The following DGLUCY variants were observed in gnomAD, a reference collection of about 807,000 sequenced individuals.
The protein encoded by DGLUCY is D-glutamate cyclase, mitochondrial.
Under a neutral mutation model 58.5 loss-of-function variants are expected in DGLUCY, and 58 were observed. The observed-to-expected ratio is 0.99, with a 90% CI of 0.80 to 1.23. The LOEUF (loss-of-function observed/expected upper bound fraction) is 1.23. DGLUCY is among the 50% of genes most tolerant of loss of function. The pLI is 0.00. For missense variants in DGLUCY, 779 were observed against 784.7 expected (o/e 0.99, Z 0.09); for synonymous variants, 325 against 314.1 (o/e 1.03, Z -0.37).
intron 1 of DGLUCY, among the ~76,000 whole-genome samples, chr14:91,146,729 T>A (rs1360464869): frequency 2.0e-5 from 3 of 152,142 alleles, no homozygotes; most frequent in Non-Finnish European, 2.9e-5. Context: ...AGGGGGCCCA[T>A]GAGAGCAATC....
At chr14:91,060,640 G>A (rs2043637553) in exon 1 of DGLUCY, 1 of 619,934 alleles carries the variant, frequency 1.6e-6, no homozygotes, top group Non-Finnish European at 2.3e-6. Flanking sequence ...CGCTAGTACC[G>A]CGCAACCAAA....
chr14:91,066,388 G>GAAAAAAAA (rs58589619), intron 1 of DGLUCY, among the ~76,000 whole-genome samples: 1 of 113,856 alleles, frequency 8.8e-6, no homozygotes, highest in Non-Finnish European at 1.9e-5. Context: ...AAAAAAAAAA[G>GAAAAAAAA]AAAAAAAAAA....
At chr14:91,073,671 G>C (rs1430225972) in intron 1 of DGLUCY, among the ~76,000 whole-genome samples, 1 of 152,062 alleles carries the variant, frequency 6.6e-6, no homozygotes, top group African/African-American at 2.4e-5. Context: ...CTTTGAAAAT[G>C]GAGGGGACCA....
chr14:91,206,456 C>T (rs904964994), intron 12 of DGLUCY, among the ~76,000 whole-genome samples: 2 of 152,270 alleles, frequency 1.3e-5, no homozygotes, highest in African/African-American at 4.8e-5. Context: ...GATCTCAGCT[C>T]ACTGCAACTT....
intron 9 of DGLUCY, among the ~76,000 whole-genome samples, chr14:91,191,136 C>T (rs1429495916): frequency 6.6e-6 from 1 of 152,168 alleles, no homozygotes; most frequent in Admixed American, 6.5e-5. Flanking sequence ...GGGACAGGAC[C>T]TGAGGTGTAA....
chr14:91,062,247 C>G (rs1289217232), intron 1 of DGLUCY, among the ~76,000 whole-genome samples: 1 of 151,930 alleles, frequency 6.6e-6, no homozygotes, highest in Non-Finnish European at 1.5e-5. Flanking sequence ...TTTTGAATCA[C>G]TTAAAAATAT....
At chr14:91,084,759 T>A (rs2044183951) in intron 1 of DGLUCY, among the ~76,000 whole-genome samples, 1 of 152,266 alleles carries the variant, frequency 6.6e-6, no homozygotes, top group Non-Finnish European at 1.5e-5. Context: ...GGGAGATACA[T>A]TGGACTTGAA....
chr14:91,199,650 CAA>C (rs1393609793), intron 10 of DGLUCY, 105 bp from the exon 11 acceptor site: 2 of 1,316,154 alleles, frequency 1.5e-6, no homozygotes, highest in Non-Finnish European at 2.1e-6. Context: ...ATGAAGGAAT[CAA>C]AGAAAAAAAG....
chr14:91,223,966 G>A (rs987139620), intron 13 of DGLUCY, among the ~76,000 whole-genome samples: 1 of 152,130 alleles, frequency 6.6e-6, no homozygotes, highest in Non-Finnish European at 1.5e-5. Flanking sequence ...GCTAGGCCCC[G>A]GGCTGCGGCT....
intron 12 of DGLUCY, among the ~76,000 whole-genome samples, chr14:91,209,971 G>C (rs1051489012): frequency 6.6e-6 from 1 of 152,130 alleles, no homozygotes; most frequent in Non-Finnish European, 1.5e-5. Context: ...TAATGATAAA[G>C]GGGCCAGTAT....
At chr14:91,156,229 T>C (rs569771869) in intron 1 of DGLUCY, among the ~76,000 whole-genome samples, 1 of 152,088 alleles carries the variant, frequency 6.6e-6, no homozygotes, top group African/African-American at 2.4e-5. Context: ...TTCTCCTGCC[T>C]CAGCCTCCCG....
intron 11 of DGLUCY, among the ~76,000 whole-genome samples, chr14:91,203,685 T>G (rs1436070069): frequency 1.3e-5 from 2 of 151,638 alleles, no homozygotes; most frequent in Admixed American, 6.6e-5. Context: ...GTGTTTTTTT[T>G]TTTTTTTTTT....
At chr14:91,060,681 G>A (rs776469535) in exon 1 of DGLUCY, 28 of 385,682 alleles carry the variant, frequency 7.3e-5, no homozygotes, top group Non-Finnish European at 1.1e-4. Context: ...GCCTCCTCAG[G>A]CCGCTCCGCC....
chr14:91,204,761 G>A lies in DGLUCY; in HGVS notation c.1500G>A (p.Arg500=), dbSNP rs1224551941. 2 of 1,614,148 alleles carry A rather than the reference G, an allele frequency of 1.2e-6. No individual in the cohort carries two copies. The highest frequency in any genetic ancestry group is 1.7e-6 in the Non-Finnish European group (2 of 1,180,016). The change falls in exon 12 of 14, where the codon AGG becomes AGA. Residue 500 remains arginine, a synonymous_variant. Coordinates refer to ENST00000256324, the MANE Select transcript of DGLUCY (RefSeq NM_001102368.3). ...LGMGKVKEAV[R]RHIRHGDVIA... ...TGGGTAAAGTCAAGGAGGCTGTGAGGAGGCACATACGGCACGGGGATGTCA... is the reference window on the plus strand; with the variant it reads ...TGGGTAAAGTCAAGGAGGCTGTGAGAAGGCACATACGGCACGGGGATGTCA...
chr14:91,193,578 C>T (rs188714298), intron 9 of DGLUCY, among the ~76,000 whole-genome samples: 1 of 152,276 alleles, frequency 6.6e-6, no homozygotes, highest in East Asian at 1.9e-4. Context: ...CAGTGGCTCA[C>T]CCCTGTAATC....
At chr14:91,085,592 C>T (rs559378027) in intron 1 of DGLUCY, among the ~76,000 whole-genome samples, 52 of 145,594 alleles carry the variant, frequency 3.6e-4, no homozygotes, top group Middle Eastern at 3.5e-3. Flanking sequence ...ATGTGTGTGA[C>T]GGAGTCTCAC....
At chr14:91,165,384 G>C (rs2048220791) in intron 3 of DGLUCY, 1 of 417,478 alleles carries the variant, frequency 2.4e-6, no homozygotes, top group Non-Finnish European at 4.8e-6. Flanking sequence ...CTGAGGCTGA[G>C]ACATGCAAAG....
rs1157277030 is a variant in DGLUCY at position 91,167,264 on chromosome 14, T to A, written c.143T>A (p.Leu48His). Residue 48 changes from leucine (L) to histidine (H), a missense_variant, in exon 4 of 14, where the codon CTT becomes CAT. By Grantham distance (99) the Leu-to-His change is moderately conservative. Coordinates refer to ENST00000256324, the MANE Select transcript of DGLUCY (RefSeq NM_001102368.3). ...PASLVVLPRSLAPAFERFCQV... is the reference protein window; with the variant it reads ...PASLVVLPRSHAPAFERFCQV... ...AGCCTGGTGGTCCTGCCCAGGTCCC[T>A]TGCTCCAGCTTTTGAAAGATTCTGC... 2.5e-6 allele frequency: 4 copies of A among 1,612,030 alleles called. No individual in the cohort carries two copies. The South Asian group carries it at 4.4e-5, about 18-fold the overall frequency.
At chr14:91,077,375 A>G (rs1180757490) in intron 1 of DGLUCY, among the ~76,000 whole-genome samples, 2 of 148,802 alleles carry the variant, frequency 1.3e-5, no homozygotes, top group Non-Finnish European at 3.0e-5. Context: ...GGGAGGAAGG[A>G]AGGAAAGGAA....
Sources: gnomAD v4.1 joint callset for allele counts (sites outside exome capture counted in the v4.1 genomes callset) on GRCh38, gnomAD v4.1.1 for gene constraint, MANE v1.5 for transcripts, NCBI Gene and HGNC (gene_info 2026-07-23, HGNC 2026-07-21) for gene names.